FMN1: variants seen among roughly 807,000 people sequenced by gnomAD.
FMN1 encodes the protein formin-1.
A neutral mutation model predicts 132.4 loss-of-function variants in FMN1; 110 were observed. The ratio of observed to expected loss-of-function variants is 0.83; its 90% CI spans 0.71 to 0.97. FMN1 has a LOEUF of 0.97. Among genes scored for constraint, FMN1 ranks in the 50% least tolerant of loss-of-function variants. The probability of loss-of-function intolerance (pLI) is 0.00; values close to 1 mark genes in which losing one functional copy is unlikely to be tolerated. For missense variants in FMN1, 1,792 were observed against 1,705.3 expected (o/e 1.05, Z -0.90); for synonymous variants, 722 against 651.7 (o/e 1.11, Z -1.64).
chr15:33,106,987 A>G (rs757208893), intron 4 of FMN1, among the ~76,000 whole-genome samples: 5 of 151,980 alleles, frequency 3.3e-5, no homozygotes, highest in Non-Finnish European at 5.9e-5. Flanking sequence ...CTCTCGCCCT[A>G]TCTCATACAG....
At chr15:33,111,149 G>A (rs2039686576) in intron 4 of FMN1, among the ~76,000 whole-genome samples, 3 of 151,950 alleles carry the variant, frequency 2.0e-5, no homozygotes, top group African/African-American at 7.3e-5. Flanking sequence ...ATGGTGCTTT[G>A]CACATGCCCT....
intron 10 of FMN1, among the ~76,000 whole-genome samples, chr15:32,924,116 T>C (rs2060900234): frequency 1.3e-5 from 2 of 152,236 alleles, no homozygotes; most frequent in Non-Finnish European, 2.9e-5. Context: ...ATGTGAATTT[T>C]TCAGAAACTC....
At chr15:33,096,197 T>C (rs1255373056) in intron 4 of FMN1, among the ~76,000 whole-genome samples, 2 of 152,176 alleles carry the variant, frequency 1.3e-5, no homozygotes, top group South Asian at 2.1e-4. Flanking sequence ...TTTTGTGATA[T>C]AAAATTCTGA....
At chr15:33,064,896 G>T in intron 6 of FMN1, 61 bp downstream of exon 6, 1 of 1,155,166 alleles carries the variant, frequency 8.7e-7, no homozygotes, top group South Asian at 1.4e-5. Context: ...AACTAAGCTA[G>T]AACTAAAAGC....
At chr15:32,852,001 G>A (rs1869034) in intron 17 of FMN1, among the ~76,000 whole-genome samples, 81,208 of 151,952 alleles carry the variant, frequency 0.53, 22,648 homozygotes, top group Admixed American at 0.63. Context: ...TCTTTTCTCA[G>A]TTACATTTGT....
chr15:32,979,698 A>G (rs1326811521), intron 7 of FMN1, among the ~76,000 whole-genome samples: 1 of 151,850 alleles, frequency 6.6e-6, no homozygotes, highest in Non-Finnish European at 1.5e-5. Flanking sequence ...TATTATTTTT[A>G]CTATTATTAT....
At chr15:32,848,349 T>TGTGTGTGCAC (rs1555471744) in intron 17 of FMN1, among the ~76,000 whole-genome samples, 2 of 151,694 alleles carry the variant, frequency 1.3e-5, no homozygotes, top group African/African-American at 4.8e-5. Context: ...TGTGTGTGCG[T>TGTGTGTGCAC]GCACACGTGT....
intron 8 of FMN1, among the ~76,000 whole-genome samples, chr15:32,967,987 T>TCA (rs1240092394): frequency 1.3e-5 from 2 of 152,256 alleles, no homozygotes; most frequent in Non-Finnish European, 2.9e-5. Flanking sequence ...GCAGAACAAA[T>TCA]CACACTCAAA....
chr15:33,178,456 T>A (rs928171391), intron 3 of FMN1, among the ~76,000 whole-genome samples: 6 of 152,230 alleles, frequency 3.9e-5, no homozygotes, highest in Non-Finnish European at 7.3e-5. Flanking sequence ...GTCTCAAGTC[T>A]GTTTAGCTAC....
chr15:33,118,594 C>A (rs188196904), intron 4 of FMN1, among the ~76,000 whole-genome samples: 3 of 152,260 alleles, frequency 2.0e-5, no homozygotes, highest in Admixed American at 1.3e-4. Flanking sequence ...GAATGAGGGA[C>A]AGTTCCTGTA....
At chr15:32,953,321 C>T (rs949958713) in intron 9 of FMN1, among the ~76,000 whole-genome samples, 2 of 152,172 alleles carry the variant, frequency 1.3e-5, no homozygotes, top group African/African-American at 4.8e-5. Flanking sequence ...CCTTGCTGCC[C>T]TAATCAGATC....
At chr15:33,152,799 A>AAAAAAAAAAG in intron 4 of FMN1, among the ~76,000 whole-genome samples, 1 of 151,164 alleles carries the variant, frequency 6.6e-6, no homozygotes, top group Non-Finnish European at 1.5e-5. Flanking sequence ...AAAAAAAAAA[A>AAAAAAAAAAG]AAAAGAAAGA....
At chr15:32,989,949 A>AT (rs1017449956) in intron 7 of FMN1, among the ~76,000 whole-genome samples, 12 of 152,174 alleles carry the variant, frequency 7.9e-5, no homozygotes, top group African/African-American at 2.9e-4. Flanking sequence ...GCTTTTTGTC[A>AT]TGTTTACATT....
At chr15:32,997,336 T>TTC (rs398026772) in intron 7 of FMN1, among the ~76,000 whole-genome samples, 1 of 151,734 alleles carries the variant, frequency 6.6e-6, no homozygotes, top group Admixed American at 6.6e-5. Flanking sequence ...TTTTTTTTTT[T>TTC]AATCACATGG....
At chr15:32,853,821 C>A (rs1418242139) in intron 17 of FMN1, among the ~76,000 whole-genome samples, 1 of 152,178 alleles carries the variant, frequency 6.6e-6, no homozygotes, top group East Asian at 1.9e-4. Flanking sequence ...CAAACAAGGG[C>A]CAGGCCCAGA....
At chr15:32,813,494 T>C (rs907198519) in intron 17 of FMN1, among the ~76,000 whole-genome samples, 3 of 152,174 alleles carry the variant, frequency 2.0e-5, no homozygotes, top group Non-Finnish European at 4.4e-5. Flanking sequence ...CCATTTACAA[T>C]ACTGACAAAA....
chr15:33,033,718 T>A (rs903133564), intron 6 of FMN1, among the ~76,000 whole-genome samples: 1 of 151,816 alleles, frequency 6.6e-6, no homozygotes, highest in Non-Finnish European at 1.5e-5. Flanking sequence ...GTCACCTACA[T>A]ACTGTCTCCA....
intron 6 of FMN1, among the ~76,000 whole-genome samples, chr15:33,048,644 A>AAACAAAAACAAAACAAAAAC (rs1555388954): frequency 2.3e-5 from 2 of 86,920 alleles, no homozygotes; most frequent in Non-Finnish European, 4.8e-5. Context: ...AAAAAAAAAA[A>AAACAAAAACAAAACAAAAAC]AAAAACCAAC....
chr15:32,842,126 T>C (rs1024241122), intron 17 of FMN1, among the ~76,000 whole-genome samples: 1 of 152,248 alleles, frequency 6.6e-6, no homozygotes, highest in Non-Finnish European at 1.5e-5. Flanking sequence ...TGATGTTTCA[T>C]TCCCAGTGTT....
Sources: gnomAD v4.1 joint callset for allele counts (sites outside exome capture counted in the v4.1 genomes callset) on GRCh38, gnomAD v4.1.1 for gene constraint, MANE v1.5 for transcripts, NCBI Gene and HGNC (gene_info 2026-07-23, HGNC 2026-07-21) for gene names.